The following ZFHX2 variants were observed in gnomAD, a reference collection of about 807,000 sequenced individuals.
The protein encoded by ZFHX2 is zinc finger homeobox 2, also known as zinc finger homeobox protein 2.
A neutral mutation model predicts 164.8 loss-of-function variants in ZFHX2; 75 were observed. The observed-to-expected ratio is 0.46, with a 90% confidence interval of 0.38 to 0.55. The LOEUF (loss-of-function observed/expected upper bound fraction) is 0.55, where lower values mean the gene tolerates loss of function less well. Ranked by LOEUF, ZFHX2 falls within the 20% of genes least tolerant of loss-of-function variation. The pLI, the probability that ZFHX2 is intolerant of heterozygous loss-of-function variation, is 0.00. For synonymous variants in ZFHX2, 1,217 were observed against 1,351.4 expected, an observed-to-expected ratio of 0.90 and a Z score of 2.18; for missense variants, 2,933 against 3,308.0, an observed-to-expected ratio of 0.89 and a Z score of 2.78.
rs147315476 is a variant in ZFHX2 at position 23,545,267 on chromosome 14, T to G, written c.-50+6076A>C. On this transcript the variant is annotated intron_variant, in intron 1 of 9. Transcript: ENST00000419474. ...CCATAAGGGTCAAAGCCAGCACTGC[T>G]TGAACTCAGGACTGACACGCAGGCC... Among the ~76,000 whole-genome samples the G allele has an allele frequency of 2.6e-5, 4 of 152,320 alleles. No individual in the cohort carries two copies. The East Asian group carries it at 7.7e-4, about 29-fold the overall frequency.
At chr14:23,527,480 G>T in intron 7 of ZFHX2, 124 bp downstream of exon 7, 1 of 1,250,924 alleles carries the variant, frequency 8.0e-7, no homozygotes, top group Non-Finnish European at 1.1e-6. Context: ...GCCAACACAC[G>T]CACTTGCCTG....
At chr14:23,552,589 C>T (rs1468417702), upstream of ZFHX2, among the ~76,000 whole-genome samples, 1 of 151,796 alleles carries the variant, frequency 6.6e-6, no homozygotes, top group African/African-American at 2.4e-5. Flanking sequence ...CCACCGCGCC[C>T]AGCCCGTTTT....
rs980208720 is a variant in ZFHX2 at position 23,551,078 on chromosome 14, C to A, written c.-50+265G>T. On this transcript the variant is annotated intron_variant, in intron 1 of 9. Coordinates refer to ENST00000419474, the MANE Select transcript of ZFHX2 (RefSeq NM_033400.3). The surrounding 1 kb of genome is among the most constrained non-coding windows in gnomAD (Gnocchi z 5.3). ...TTTCCCGTTCCCGTTTCTCCCTCCACCCCCGCATCTCTCTTCCCCCATCCT... is the reference window on the plus strand; with the variant it reads ...TTTCCCGTTCCCGTTTCTCCCTCCAACCCCGCATCTCTCTTCCCCCATCCT... Among the ~76,000 whole-genome samples the A allele has an allele frequency of 6.6e-6, 1 of 151,974 alleles. No homozygotes were observed. Among genetic ancestry groups the A allele is most frequent in the Non-Finnish European group, 1.5e-5 (1 of 67,982 alleles).
At chr14:23,527,117 A>C in intron 7 of ZFHX2, 144 bp from the exon 8 acceptor site, 1 of 1,274,522 alleles carries the variant, frequency 7.8e-7, no homozygotes, top group Non-Finnish European at 1.0e-6. Context: ...CTCCCACCTA[A>C]TTGCTGCTTT....
At chr14:23,553,070 C>T (rs970437749), upstream of ZFHX2, among the ~76,000 whole-genome samples, 13 of 152,078 alleles carry the variant, frequency 8.5e-5, no homozygotes, top group Admixed American at 2.6e-4. Flanking sequence ...ATTAACAGGC[C>T]CAAGGTCCAA....
Position 23,533,157 on chromosome 14 carries a change from G to A in ZFHX2, c.2042-73C>T. 1 of 1,457,146 alleles carries A rather than the reference G, an allele frequency of 6.9e-7. No individual in the cohort carries two copies. Among genetic ancestry groups the A allele is most frequent in the Non-Finnish European group, 9.0e-7 (1 of 1,107,712 alleles). 90.3% of individuals were successfully genotyped at this position (1,457,146 alleles called of 1,614,324 possible). A position where few individuals can be genotyped will look rare whatever the true frequency, so the allele number is the denominator to read the frequency against. On this transcript the variant is annotated intron_variant, in intron 2 of 9. Coordinates refer to ENST00000419474, the MANE Select transcript of ZFHX2 (RefSeq NM_033400.3). The surrounding 1 kb of genome is among the most constrained non-coding windows in gnomAD (Gnocchi z 4.8). ...GTTGGTTCTCTATGTGGGGAGGTGG[G>A]TTAATGAGTAGGATAGTGCTCAGAG...
In ZFHX2 at chr14:23,546,956, CT is replaced by C. The variant is rs1374982481; in HGVS notation, c.-50+4386del. ...CCTCCAGCACTCCCAGCTCTCTCCC[CT>C]GTCTTCTTTTGTAGATTTCTCAACC... On this transcript the variant is annotated intron_variant, in intron 1 of 9. Transcript: ENST00000419474. The surrounding 1 kb of genome is among the most constrained non-coding windows in gnomAD (Gnocchi z 4.7). Among the ~76,000 whole-genome samples the C allele has an allele frequency of 6.6e-6, 1 of 152,194 alleles. No individual in the cohort carries two copies. The highest frequency in any genetic ancestry group is 2.4e-5 in the African/African-American group (1 of 41,450).
chr14:23,527,725 A>G lies in ZFHX2; in HGVS notation c.3014T>C (p.Val1005Ala). 6.5e-7 allele frequency: 1 copy of G among 1,536,140 alleles called. No homozygotes were observed. Among genetic ancestry groups the G allele is most frequent in the Non-Finnish European group, 8.7e-7 (1 of 1,146,904 alleles). ...VRAHTLSQHA[V>A]QPKYRCPLCQ... ...CAGTGGGCATCTGTACTTGGGCTGCACTGCATGCTGGGAGAGTGTATGAGC... is the reference window on the plus strand; with the variant it reads ...CAGTGGGCATCTGTACTTGGGCTGCGCTGCATGCTGGGAGAGTGTATGAGC... The change falls in exon 7 of 10, where the codon GTG (valine) becomes GCG (alanine). Residue 1005 changes from valine to alanine, a missense_variant. Physicochemically the swap from Val to Ala is moderately conservative, Grantham distance 64 (BLOSUM62 0). Coordinates refer to ENST00000419474, the MANE Select transcript of ZFHX2 (RefSeq NM_033400.3).
rs1406346467 is a variant in ZFHX2 at position 23,533,610 on chromosome 14, C to T, written c.1716G>A (p.Lys572=). 2 of 1,536,706 alleles carry T rather than the reference C, an allele frequency of 1.3e-6. No individual in the cohort carries two copies. The highest frequency in any genetic ancestry group is 1.7e-6 in the Non-Finnish European group (2 of 1,147,058). The change falls in exon 2 of 10, where the codon AAG becomes AAA. Residue 572 remains lysine, a synonymous_variant. Coordinates refer to ENST00000419474, the MANE Select transcript of ZFHX2 (RefSeq NM_033400.3). This position sits in a 1 kb window ranked among gnomAD's most constrained non-coding sequence, Gnocchi z 4.8. ...AGATGTTTGTCTCGTAGCTGCACAC[C>T]TTGCACTGCCAGGATGATTTGGTCT... ...EPKTKSSWQC[K]VCSYETNISR... is the part of the protein sequence containing the mutation.
rs535675254 is a variant in ZFHX2, at chr14:23,533,130, C to T, written c.2042-46G>A. 36 of 1,473,194 alleles carry T rather than the reference C, an allele frequency of 2.4e-5. No homozygotes were observed. The highest frequency in any genetic ancestry group is 5.6e-5 in the African/African-American group (4 of 71,332). 91.3% of individuals were successfully genotyped at this position (1,473,194 alleles called of 1,614,324 possible). A position where few individuals can be genotyped will look rare whatever the true frequency, so the allele number is the denominator to read the frequency against. On this transcript the variant is annotated intron_variant, in intron 2 of 9. Coordinates refer to ENST00000419474, the MANE Select transcript of ZFHX2 (RefSeq NM_033400.3). This position sits in a 1 kb window ranked among gnomAD's most constrained non-coding sequence, Gnocchi z 4.8. ...AGTGGCCCAAGAAAGAAATGGGGCA[C>T]GGTTGGTTCTCTATGTGGGGAGGTG...
At chr14:23,528,886 C>G (rs1203717255) in intron 6 of ZFHX2, 4 of 961,304 alleles carry the variant, frequency 4.2e-6, no homozygotes, top group Non-Finnish European at 5.0e-6. Flanking sequence ...GTGGCACAGG[C>G]CTGTGTGTCA....
rs1307564188 is a variant in ZFHX2, at chr14:23,523,948, G to A, written c.5994C>T (p.Leu1998=). Residue 1998 remains leucine, a synonymous_variant, in exon 9 of 10, where the codon CTC becomes CTT. Coordinates refer to ENST00000419474, the MANE Select transcript of ZFHX2 (RefSeq NM_033400.3). The surrounding 1 kb of genome is among the most constrained non-coding windows in gnomAD (Gnocchi z 4.1). ...CCTCACTGGGTGGAGGGGGAGGTAGGAGAGGTAGAGGTGGCTCTGGTGTTG... is the reference window on the plus strand; with the variant it reads ...CCTCACTGGGTGGAGGGGGAGGTAGAAGAGGTAGAGGTGGCTCTGGTGTTG... The part of the protein sequence containing the change: ...TTPTPEPPLP[L]LPPPPPSEEE... 4 of 1,535,850 alleles carry A rather than the reference G, an allele frequency of 2.6e-6. No individual in the cohort carries two copies. Among genetic ancestry groups the A allele is most frequent in the Non-Finnish European group, 3.5e-6 (4 of 1,146,754 alleles).
At chr14:23,539,009 CCAAGGGA>C (rs1880498943) in intron 1 of ZFHX2, among the ~76,000 whole-genome samples, 1 of 152,010 alleles carries the variant, frequency 6.6e-6, no homozygotes, top group Non-Finnish European at 1.5e-5. Flanking sequence ...AGGCCTGGAG[CCAAGGGA>C]GGGCGGAGAG....
At chr14:23,542,228 G>C (rs983731602) in intron 1 of ZFHX2, 1 of 152,554 alleles carries the variant, frequency 6.6e-6, no homozygotes, top group Non-Finnish European at 1.5e-5. Context: ...CAAGGAGGCT[G>C]TCTCTTGCAC....
chr14:23,524,411 C>A lies in ZFHX2; in HGVS notation c.5531G>T (p.Ser1844Ile), dbSNP rs1878441072. The part of the protein sequence containing the change: ...HEDGSLSPTG[S>I]EAGGGGEGEP... ...GCCCTCCCCTCCTCCCCCTGCTTCA[C>A]TGCCTGTGGGAGACAAGCTGCCGTC... The change falls in exon 9 of 10, where the codon AGT (serine) becomes ATT (isoleucine). Residue 1844 changes from serine to isoleucine, a missense_variant. Coordinates refer to ENST00000419474, the MANE Select transcript of ZFHX2 (RefSeq NM_033400.3). The surrounding 1 kb of genome is among the most constrained non-coding windows in gnomAD (Gnocchi z 5.6). The A allele has an allele frequency of 2.0e-6, 3 of 1,536,136 alleles. No homozygotes were observed. Among genetic ancestry groups the A allele is most frequent in the African/African-American group, 1.4e-5 (1 of 73,068 alleles).
chr14:23,546,091 C>G lies in ZFHX2; in HGVS notation c.-50+5252G>C, dbSNP rs1231391736. Among the ~76,000 whole-genome samples, 1 of 152,192 alleles carries G rather than the reference C, an allele frequency of 6.6e-6. No homozygotes were observed. The highest frequency in any genetic ancestry group is 6.5e-5 in the Admixed American group (1 of 15,270). The stretch of plus-strand genomic sequence containing the variant: ...GTGCATACATGAAGTTAAATTCCTG[C>G]CTACACCCATTCTGCCCCACTGACT... On this transcript the variant is annotated intron_variant, in intron 1 of 9. Transcript: ENST00000419474. This position sits in a 1 kb window ranked among gnomAD's most constrained non-coding sequence, Gnocchi z 4.7.
In ZFHX2 at chr14:23,533,001, G is replaced by T. The variant is rs1333318152; in HGVS notation, c.2125C>A (p.Pro709Thr). ...TTCAGGGACAGGCTGTCGTCTGGGGGTGGTGAGGTGGGCAGGCTGTCAGAT... is the reference window on the plus strand; with the variant it reads ...TTCAGGGACAGGCTGTCGTCTGGGGTTGGTGAGGTGGGCAGGCTGTCAGAT... ...SSSDSLPTSP[P>T]PDDSLSLKVF... Residue 709 changes from proline to threonine, a missense_variant, in exon 3 of 10, where the codon CCC (proline) becomes ACC (threonine). Physicochemically the swap from Pro to Thr is conservative, Grantham distance 38. Transcript: ENST00000419474. This position sits in a 1 kb window ranked among gnomAD's most constrained non-coding sequence, Gnocchi z 4.8. 6 of 1,536,056 alleles carry T rather than the reference G, an allele frequency of 3.9e-6. No individual in the cohort carries two copies. The highest frequency in any genetic ancestry group is 5.2e-6 in the Non-Finnish European group (6 of 1,146,906).
At position 23,526,163 on chromosome 14, in the gene ZFHX2, C is replaced by T. The variant is rs1878682113; in HGVS notation, c.3779G>A (p.Ser1260Asn). The change falls in exon 9 of 10, where the codon AGC becomes AAC. Residue 1260 changes from serine (S) to asparagine (N), a missense_variant. Transcript: ENST00000419474. ...CCGCATGTGGATCTCCAGGGTGGAG[C>T]TCTGGTTGTAGGAGACTCTGCAGAC... is the stretch of plus-strand genomic sequence containing the variant. Reference protein sequence around the residue: ...CTVCRVSYNQSSTLEIHMRSV... With the variant: ...CTVCRVSYNQNSTLEIHMRSV... 2 of 1,536,366 alleles carry T rather than the reference C, an allele frequency of 1.3e-6. No homozygotes were observed. The highest frequency in any genetic ancestry group is 2.4e-5 in the South Asian group (2 of 84,050).
rs576572121 is a variant in ZFHX2 at position 23,541,583 on chromosome 14, G to A, written c.-49-6209C>T. Among the ~76,000 whole-genome samples the A allele has an allele frequency of 3.9e-3, 592 of 152,196 alleles. 1 individual carries two copies. The highest frequency in any genetic ancestry group is 6.2e-3 in the Non-Finnish European group (420 of 68,006). On this transcript the variant is annotated intron_variant, in intron 1 of 9. Transcript: ENST00000419474. Reference sequence around the variant, plus strand: ...ATTACAGGCCTGAGCCACCACACCCGGCCAGGATTTAAATCTAGTCTACTC... The same window carrying A: ...ATTACAGGCCTGAGCCACCACACCCAGCCAGGATTTAAATCTAGTCTACTC...
Sources: allele counts gnomAD v4.1 joint callset (sites outside exome capture counted in the v4.1 genomes callset), GRCh38; gene constraint gnomAD v4.1.1; non-coding constraint Gnocchi (gnomAD v3.1); transcripts MANE v1.5; gene names NCBI Gene and HGNC (gene_info 2026-07-23, HGNC 2026-07-21).